Variants in POF1B observed in about 807,000 individuals in gnomAD.
POF1B encodes the protein protein POF1B.
POF1B carries 53 observed loss-of-function variants against 55.3 expected under a neutral mutation model. That is an observed-to-expected ratio of 0.96 (90% confidence interval 0.77 to 1.20). POF1B has a LOEUF of 1.20. Ranked by LOEUF, POF1B falls within the 50% of genes most tolerant of loss-of-function variation. The pLI is 0.00. For missense variants in POF1B, 478 were observed against 420.5 expected (o/e 1.14, Z -1.20); for synonymous variants, 188 against 148.3 (o/e 1.27, Z -1.95).
intron 8 of POF1B, 24 bp from the exon 9 acceptor site, chrX:85,314,530 A>C: frequency 9.1e-7 from 1 of 1,099,363 alleles, no homozygotes; most frequent in Non-Finnish European, 1.2e-6. Flanking sequence ...AGGCTTATCC[A>C]TGGAACAGAT....
chrX:85,279,166 A>G lies in POF1B; in HGVS notation c.*255T>C, dbSNP rs1931842075. On this transcript the variant is annotated 3_prime_UTR_variant, in exon 17 of 17. Coordinates refer to ENST00000262753, the MANE Select transcript of POF1B (RefSeq NM_024921.4). The stretch of plus-strand genomic sequence containing the variant: ...TACAGTGTCTGCAATCAAACTTTAA[A>G]CAATCAGGTCCCTCTTTCAGTTAGT... The G allele has an allele frequency of 3.5e-6, 1 of 284,227 alleles. No individual in the cohort carries two copies. Among genetic ancestry groups the G allele is most frequent in the Non-Finnish European group, 6.4e-6 (1 of 157,352 alleles). The allele number at this position is 284,227 out of a possible 1,213,427, so 23.4% of individuals were successfully genotyped here.
chrX:85,302,097 G>T (rs370450318), intron 15 of POF1B, among the ~76,000 whole-genome samples: 36 of 111,118 alleles, frequency 3.2e-4, no homozygotes, highest in African/African-American at 1.1e-3. Context: ...AAATATAGAT[G>T]AATTGGATTT....
intron 6 of POF1B, among the ~76,000 whole-genome samples, chrX:85,336,650 A>T (rs901572203): frequency 1.5e-4 from 17 of 111,410 alleles, no homozygotes; most frequent in Non-Finnish European, 1.9e-5. Flanking sequence ...ATTTTAAAAA[A>T]TTAAATTATT....
chrX:85,329,660 G>A (rs1932945203), intron 7 of POF1B, among the ~76,000 whole-genome samples: 1 of 104,233 alleles, frequency 9.6e-6, no homozygotes, highest in Non-Finnish European at 1.9e-5. Flanking sequence ...AAGAGAATAA[G>A]GCAGAGAGTT....
At chrX:85,332,704 G>A (rs1318278578) in intron 6 of POF1B, among the ~76,000 whole-genome samples, 1 of 110,906 alleles carries the variant, frequency 9.0e-6, no homozygotes, top group African/African-American at 3.3e-5. Flanking sequence ...TTACATTTGT[G>A]ACACAAAAAT....
At chrX:85,365,346 C>T (rs929285527) in intron 3 of POF1B, among the ~76,000 whole-genome samples, 3 of 111,844 alleles carry the variant, frequency 2.7e-5, no homozygotes, top group African/African-American at 9.8e-5. Context: ...TTTGAGTTGC[C>T]AGAGTTCTTG....
intron 2 of POF1B, among the ~76,000 whole-genome samples, chrX:85,369,295 G>A (rs1462902967): frequency 3.6e-5 from 4 of 111,400 alleles, no homozygotes; most frequent in Non-Finnish European, 1.9e-5. Flanking sequence ...ACAACCATGT[G>A]CAGGCAGGTT....
chrX:85,299,302 T>TTA (rs1555979418), intron 15 of POF1B, among the ~76,000 whole-genome samples: 1,753 of 100,829 alleles, frequency 0.017, 50 homozygotes, highest in African/African-American at 0.062. Flanking sequence ...TTTTTTTTTT[T>TTA]TTTTGAGACG....
chrX:85,284,917 G>T (rs1317943019), intron 15 of POF1B, among the ~76,000 whole-genome samples: 1 of 111,407 alleles, frequency 9.0e-6, no homozygotes, highest in East Asian at 2.8e-4. Flanking sequence ...TCTGACAAAG[G>T]GCTAATATAC....
Position 85,351,444 on chromosome X carries a change from A to G in POF1B, c.446T>C (p.Leu149Pro). 8.5e-7 allele frequency: 1 copy of G among 1,169,756 alleles called. No homozygotes were observed. The highest frequency in any genetic ancestry group is 1.2e-6 in the Non-Finnish European group (1 of 865,159). ...ATGGCTTCCTCTTAGGAATTGAGAC[A>G]GTGGTTCCTAAAATGATAGTAAATT... ...YVVQNPEQEP[L>P]SQFLRGSHFF... is the part of the protein sequence containing the mutation. The change falls in exon 5 of 17, where the codon CTG (leucine) becomes CCG (proline). Residue 149 changes from leucine to proline, a missense_variant. By Grantham distance (98) the Leu-to-Pro change is moderately conservative. Transcript: ENST00000262753.
chrX:85,327,822 T>A (rs1932914277), intron 7 of POF1B, among the ~76,000 whole-genome samples: 1 of 112,253 alleles, frequency 8.9e-6, no homozygotes, highest in East Asian at 2.8e-4. Flanking sequence ...ATGTCCCTAG[T>A]CACTTTTCTT....
chrX:85,277,835 C>T lies in POF1B; in HGVS notation c.*1586G>A. On this transcript the variant is annotated 3_prime_UTR_variant, in exon 17 of 17. Coordinates refer to ENST00000262753, the MANE Select transcript of POF1B (RefSeq NM_024921.4). ...AAACCTTAATAATAACAATTTCCTA[C>T]TAAGCTAATAAAACTTCCCCTTATA... is the stretch of plus-strand genomic sequence containing the variant. 9.0e-6 allele frequency: 1 copy of T among 110,948 alleles called. No individual in the cohort carries two copies. The highest frequency in any genetic ancestry group is 1.9e-5 in the Non-Finnish European group (1 of 52,548). The allele number at this position is 110,948 out of a possible 1,213,427, so 9.1% of individuals were successfully genotyped here.
chrX:85,307,735 T>A (rs181628581), intron 10 of POF1B, among the ~76,000 whole-genome samples: 12 of 111,865 alleles, frequency 1.1e-4, no homozygotes, highest in East Asian at 2.8e-4. Flanking sequence ...TGGAAAAAAA[T>A]TAATTTTTTG....
chrX:85,329,644 T>TA (rs1223303666), intron 7 of POF1B, among the ~76,000 whole-genome samples: 4 of 104,905 alleles, frequency 3.8e-5, no homozygotes, highest in East Asian at 5.9e-4. Flanking sequence ...TTTTTTTTTT[T>TA]AAAAAAAGAG....
intron 15 of POF1B, among the ~76,000 whole-genome samples, chrX:85,289,909 C>T (rs1182254132): frequency 9.0e-6 from 1 of 111,102 alleles, no homozygotes; most frequent in African/African-American, 3.3e-5. Context: ...GAAATGCTGA[C>T]ACATAAAGGG....
Position 85,282,282 on chromosome X carries a change from T to C in POF1B, c.1685A>G (p.Tyr562Cys), listed in dbSNP as rs764527192. Residue 562 changes from tyrosine (Y) to cysteine (C), a missense_variant, in exon 16 of 17, where the codon TAT becomes TGT. Physicochemically the swap from Tyr to Cys is radical, Grantham distance 194 (BLOSUM62 -2). Transcript: ENST00000262753. ...RTQYPILGLLYDDYEYIPPGS... is the reference protein window; with the variant it reads ...RTQYPILGLLCDDYEYIPPGS... Reference sequence around the variant, plus strand: ...TGGTGGTATATATTCGTAGTCATCATATAGGAGGCCTAGGATTGGATATTG... The same window carrying C: ...TGGTGGTATATATTCGTAGTCATCACATAGGAGGCCTAGGATTGGATATTG... The C allele has an allele frequency of 4.2e-6, 5 of 1,188,986 alleles. No homozygotes were observed. Among genetic ancestry groups the C allele is most frequent in the Non-Finnish European group, 5.7e-6 (5 of 882,275 alleles).
At chrX:85,358,918 G>A (rs890563963) in intron 4 of POF1B, among the ~76,000 whole-genome samples, 5 of 111,141 alleles carry the variant, frequency 4.5e-5, no homozygotes, top group African/African-American at 1.6e-4. Context: ...ATTACTTTTC[G>A]TTTACAAAGC....
At chrX:85,316,911 T>C (rs1020823200) in intron 7 of POF1B, among the ~76,000 whole-genome samples, 10 of 110,576 alleles carry the variant, frequency 9.0e-5, no homozygotes, top group African/African-American at 2.6e-4. Flanking sequence ...GAGTCTGTTG[T>C]TCCCTTCTTT....
At chrX:85,283,899 A>C (rs1454602886) in intron 15 of POF1B, among the ~76,000 whole-genome samples, 1 of 111,543 alleles carries the variant, frequency 9.0e-6, no homozygotes, top group Non-Finnish European at 1.9e-5. Flanking sequence ...AATATTGTTA[A>C]AGTACTTTTT....
Sources: allele counts gnomAD v4.1 joint callset (sites outside exome capture counted in the v4.1 genomes callset), GRCh38; gene constraint gnomAD v4.1.1; transcripts MANE v1.5; gene names NCBI Gene and HGNC (gene_info 2026-07-23, HGNC 2026-07-21).